The following CSMD3 variants were observed in gnomAD, a reference collection of about 807,000 sequenced individuals.
CSMD3 encodes CUB and sushi domain-containing protein 3.
Under a neutral mutation model 435.2 loss-of-function variants are expected in CSMD3, and 177 were observed. The ratio of observed to expected loss-of-function variants is 0.41; its 90% CI spans 0.36 to 0.46. The LOEUF is 0.46. Ranked by LOEUF, CSMD3 falls within the 20% of genes least tolerant of loss-of-function variation. The pLI, the probability that CSMD3 is intolerant of heterozygous loss-of-function variation, is 0.34. For synonymous variants in CSMD3, 1,656 were observed against 1,520.5 expected (o/e 1.09, Z -2.07); for missense variants, 4,265 against 4,504.6 (o/e 0.95, Z 1.52).
intron 47 of CSMD3, among the ~76,000 whole-genome samples, chr8:112,318,604 T>C (rs984322719): frequency 1.6e-4 from 25 of 152,042 alleles, no homozygotes; most frequent in Non-Finnish European, 3.5e-4. Flanking sequence ...TTGAACGGAC[T>C]TCATGCTAAA....
At position 112,400,776 on chromosome 8, in the gene CSMD3, A is replaced by G. The variant is rs149943377; in HGVS notation, c.5809+5748T>C. ...TGGATAGCATCACCTTACTCTTTTT[A>G]TATAGATTTTTATTTTTGATGGCTA... On this transcript the variant is annotated intron_variant, in intron 35 of 70. Coordinates refer to ENST00000297405, the MANE Select transcript of CSMD3 (RefSeq NM_198123.2). 8.1e-4 allele frequency among the ~76,000 whole-genome samples: 124 copies of G among 152,280 alleles called. No individual in the cohort carries two copies. The East Asian group carries it at 0.022, about 27-fold the overall frequency.
intron 35 of CSMD3, among the ~76,000 whole-genome samples, chr8:112,391,123 C>A (rs1171570204): frequency 2.0e-5 from 3 of 151,972 alleles, no homozygotes; most frequent in Non-Finnish European, 4.4e-5. Context: ...AAAATTGTCT[C>A]GAATTTTTAA....
At position 113,014,370 on chromosome 8, in the gene CSMD3, T is replaced by A. The variant is rs149508657; in HGVS notation, c.1030+4697A>T. Among the ~76,000 whole-genome samples the A allele has an allele frequency of 7.8e-3, 1,180 of 152,156 alleles. 15 individuals are homozygous for A. The highest frequency in any genetic ancestry group is 0.027 in the African/African-American group (1,129 of 41,540). Reference sequence around the variant, plus strand: ...CCCTTCTGCTTAAACAGGTAAACAGTTCCATTTTAGTCCAACTGGCCATCA... The same window carrying A: ...CCCTTCTGCTTAAACAGGTAAACAGATCCATTTTAGTCCAACTGGCCATCA... On this transcript the variant is annotated intron_variant, in intron 6 of 70. Coordinates refer to ENST00000297405, the MANE Select transcript of CSMD3 (RefSeq NM_198123.2).
intron 62 of CSMD3, 108 bp downstream of exon 62, chr8:112,255,146 T>A: frequency 1.1e-6 from 1 of 882,420 alleles, no homozygotes; most frequent in South Asian, 1.6e-5. Context: ...ATTTTACACT[T>A]GTTTTTATAT....
chr8:112,417,853 AG>A (rs756187875), intron 32 of CSMD3, among the ~76,000 whole-genome samples: 64 of 152,302 alleles, frequency 4.2e-4, no homozygotes, highest in Non-Finnish European at 8.7e-4. Context: ...TCCACATAGA[AG>A]GAAGTCGGTG....
At chr8:112,236,445 AT>A (rs1368203015) in intron 67 of CSMD3, among the ~76,000 whole-genome samples, 3 of 152,108 alleles carry the variant, frequency 2.0e-5, no homozygotes, top group Admixed American at 6.6e-5. Flanking sequence ...CTTAGAATTT[AT>A]TTTATATTGT....
intron 6 of CSMD3, among the ~76,000 whole-genome samples, chr8:113,014,173 A>G (rs1480994979): frequency 6.6e-6 from 1 of 152,106 alleles, no homozygotes; most frequent in Non-Finnish European, 1.5e-5. Context: ...GTCACAGCTA[A>G]CGTTCCTATT....
intron 3 of CSMD3, among the ~76,000 whole-genome samples, chr8:113,257,808 C>A (rs1435886628): frequency 1.3e-5 from 2 of 152,146 alleles, no homozygotes; most frequent in African/African-American, 4.8e-5. Flanking sequence ...AAATTGCTCA[C>A]ATCAACTTCA....
chr8:112,941,008 G>T (rs1252411667), intron 9 of CSMD3, among the ~76,000 whole-genome samples: 1 of 151,464 alleles, frequency 6.6e-6, no homozygotes, highest in Non-Finnish European at 1.5e-5. Context: ...CTTGCACTTA[G>T]AAAAGTTTCT....
At chr8:112,848,202 T>G (rs193169776) in intron 11 of CSMD3, among the ~76,000 whole-genome samples, 1 of 152,226 alleles carries the variant, frequency 6.6e-6, no homozygotes, top group East Asian at 1.9e-4. Context: ...TTATCAGAAC[T>G]ATATGAAAAA....
chr8:112,325,278 T>C (rs1378040705), intron 45 of CSMD3, among the ~76,000 whole-genome samples: 2 of 152,136 alleles, frequency 1.3e-5, no homozygotes, highest in African/African-American at 2.4e-5. Flanking sequence ...ATAACATAGC[T>C]AAAATTTTAT....
chr8:112,266,827 AT>A (rs1389471767), intron 59 of CSMD3, among the ~76,000 whole-genome samples: 1 of 152,204 alleles, frequency 6.6e-6, no homozygotes, highest in African/African-American at 2.4e-5. Flanking sequence ...TTTAAGCTTA[AT>A]TTGGGCAGCG....
chr8:112,268,267 T>G (rs1817142897), intron 59 of CSMD3, among the ~76,000 whole-genome samples: 1 of 152,200 alleles, frequency 6.6e-6, no homozygotes, highest in Non-Finnish European at 1.5e-5. Flanking sequence ...GCTCAAATTC[T>G]CAAAAACACA....
intron 22 of CSMD3, among the ~76,000 whole-genome samples, chr8:112,625,667 T>G (rs1007206329): frequency 6.6e-6 from 1 of 152,082 alleles, no homozygotes; most frequent in Non-Finnish European, 1.5e-5. Flanking sequence ...ATAATTGAGC[T>G]GGGATTCAAA....
At chr8:113,293,712 C>G (rs995571942) in intron 2 of CSMD3, among the ~76,000 whole-genome samples, 1 of 152,116 alleles carries the variant, frequency 6.6e-6, no homozygotes, top group African/African-American at 2.4e-5. Context: ...TCTTTTATAA[C>G]AAGTTCCCTT....
At chr8:112,722,879 A>G (rs1165440568) in intron 13 of CSMD3, among the ~76,000 whole-genome samples, 1 of 152,174 alleles carries the variant, frequency 6.6e-6, no homozygotes, top group African/African-American at 2.4e-5. Flanking sequence ...CTTGTAACTG[A>G]AGATCAAAAA....
intron 27 of CSMD3, among the ~76,000 whole-genome samples, chr8:112,544,383 C>A (rs573979605): frequency 6.6e-6 from 1 of 152,126 alleles, no homozygotes; most frequent in South Asian, 2.1e-4. Context: ...TCAATCTGAT[C>A]CATATTTTGG....
At chr8:112,858,502 A>C (rs139080115) in intron 11 of CSMD3, among the ~76,000 whole-genome samples, 1 of 151,886 alleles carries the variant, frequency 6.6e-6, no homozygotes, top group Non-Finnish European at 1.5e-5. Context: ...ATAAAATCAC[A>C]TCTTACAAAC....
chr8:112,681,586 C>T (rs984556235), intron 16 of CSMD3, among the ~76,000 whole-genome samples: 13 of 151,982 alleles, frequency 8.6e-5, no homozygotes, highest in Non-Finnish European at 1.0e-4. Context: ...CAAAAATAGG[C>T]CAAGAGCAGT....
Sources: allele counts gnomAD v4.1 joint callset (sites outside exome capture counted in the v4.1 genomes callset), GRCh38; gene constraint gnomAD v4.1.1; transcripts MANE v1.5; gene names NCBI Gene and HGNC (gene_info 2026-07-23, HGNC 2026-07-21).